NRF1: variants seen among roughly 807,000 people sequenced by gnomAD.
NRF1 encodes the protein alpha palindromic-binding protein.
In NRF1, 5 loss-of-function variants were observed where a neutral mutation model predicts 58.5. That is an observed-to-expected ratio of 0.09 (90% confidence interval 0.04 to 0.18). NRF1 has a LOEUF of 0.18. Ranked by LOEUF, NRF1 falls within the 10% of genes least tolerant of loss-of-function variation. NRF1 has a pLI of 1.00. For missense variants in NRF1, 288 were observed against 657.7 expected (o/e 0.44, Z 6.15); for synonymous variants, 224 against 246.7 (o/e 0.91, Z 0.86).
At chr7:129,657,081 G>C (rs1168458793) in intron 1 of NRF1, among the ~76,000 whole-genome samples, 1 of 151,994 alleles carries the variant, frequency 6.6e-6, no homozygotes. Context: ...TATTATTAAG[G>C]GTATCTGTTG....
chr7:129,622,117 AC>A (rs1033834095), intron 1 of NRF1, among the ~76,000 whole-genome samples: 2 of 150,848 alleles, frequency 1.3e-5, no homozygotes, highest in Non-Finnish European at 3.0e-5. Context: ...GAAGAAAAGC[AC>A]CCCCCATTAG....
intron 2 of NRF1, among the ~76,000 whole-genome samples, chr7:129,669,634 G>T (rs762448650): frequency 1.3e-5 from 2 of 152,146 alleles, no homozygotes; most frequent in Non-Finnish European, 2.9e-5. Context: ...TCTCTGTAAG[G>T]AAGACTTAGA....
intron 3 of NRF1, among the ~76,000 whole-genome samples, chr7:129,675,625 G>A (rs936011151): frequency 6.6e-6 from 1 of 152,224 alleles, no homozygotes; most frequent in African/African-American, 2.4e-5. Context: ...GCTCTTGGGT[G>A]ACTAGGTGCA....
intron 1 of NRF1, among the ~76,000 whole-genome samples, chr7:129,643,270 G>A (rs1218876149): frequency 2.0e-5 from 3 of 152,214 alleles, no homozygotes; most frequent in Non-Finnish European, 4.4e-5. Context: ...TGTTGGTTGT[G>A]TAGTGACAGA....
At chr7:129,704,362 A>G (rs963899293) in intron 5 of NRF1, among the ~76,000 whole-genome samples, 17 of 152,136 alleles carry the variant, frequency 1.1e-4, no homozygotes, top group African/African-American at 3.9e-4. Flanking sequence ...GAATGTCTTA[A>G]TGTACATTAC....
At chr7:129,618,943 T>G (rs1584576069) in intron 1 of NRF1, among the ~76,000 whole-genome samples, 1 of 152,190 alleles carries the variant, frequency 6.6e-6, no homozygotes, top group East Asian at 1.9e-4. Flanking sequence ...CCATTCTGAC[T>G]GCAACATGTC....
intron 1 of NRF1, among the ~76,000 whole-genome samples, chr7:129,644,661 A>G (rs529872556): frequency 1.3e-5 from 2 of 152,360 alleles, no homozygotes; most frequent in East Asian, 3.9e-4. Flanking sequence ...ATCATTGCAG[A>G]AAGTTCTACC....
chr7:129,687,297 C>T (rs942599337), intron 4 of NRF1, among the ~76,000 whole-genome samples: 15 of 139,898 alleles, frequency 1.1e-4, no homozygotes, highest in Admixed American at 8.3e-4. Flanking sequence ...TTTTTTGAGG[C>T]GGAGTCTCAC....
chr7:129,743,694 C>A (rs1055952021), intron 10 of NRF1, among the ~76,000 whole-genome samples: 1 of 152,154 alleles, frequency 6.6e-6, no homozygotes, highest in Non-Finnish European at 1.5e-5. Context: ...ATATAGTCAA[C>A]TCTTACTTGT....
chr7:129,717,082 G>C (rs1464684673), intron 8 of NRF1, 137 bp from the exon 9 acceptor site: 2 of 788,934 alleles, frequency 2.5e-6, no homozygotes, highest in African/African-American at 1.8e-5. Context: ...TTAAAGCTCT[G>C]TTCTGTATAT....
chr7:129,682,243 G>C (rs1172606019), intron 4 of NRF1, among the ~76,000 whole-genome samples: 4 of 152,154 alleles, frequency 2.6e-5, no homozygotes, highest in Non-Finnish European at 5.9e-5. Flanking sequence ...AGGATTGGTT[G>C]AGGCCAGGAG....
Position 129,711,458 on chromosome 7 carries a change from T to C in NRF1, c.964-17T>C. Reference sequence around the variant, plus strand: ...TCCATCCACTGACACTTAACCACTTTCCATATTTTTCTTTAGGTTGGTACG... The same window carrying C: ...TCCATCCACTGACACTTAACCACTTCCCATATTTTTCTTTAGGTTGGTACG... On this transcript the variant is annotated splice_polypyrimidine_tract_variant and intron_variant, in intron 7 of 10. Coordinates refer to ENST00000393232, the MANE Select transcript of NRF1 (RefSeq NM_005011.5). The C allele has an allele frequency of 6.3e-7, 1 of 1,596,244 alleles. No homozygotes were observed. Among genetic ancestry groups the C allele is most frequent in the Non-Finnish European group, 8.6e-7 (1 of 1,167,768 alleles).
At chr7:129,619,517 T>TATATATATA (rs1554401553) in intron 1 of NRF1, among the ~76,000 whole-genome samples, 1 of 134,804 alleles carries the variant, frequency 7.4e-6, no homozygotes, top group Non-Finnish European at 1.6e-5. Context: ...TATATATGTA[T>TATATATATA]TGTTTTGCTG....
chr7:129,665,603 G>C (rs1054942109), intron 2 of NRF1, among the ~76,000 whole-genome samples: 1 of 152,102 alleles, frequency 6.6e-6, no homozygotes, highest in Non-Finnish European at 1.5e-5. Context: ...TCAATCACCA[G>C]TATGTTGTTT....
chr7:129,640,974 G>C (rs1801276093), intron 1 of NRF1, among the ~76,000 whole-genome samples: 1 of 152,138 alleles, frequency 6.6e-6, no homozygotes, highest in East Asian at 1.9e-4. Flanking sequence ...CTTCATCAGG[G>C]TGTTATTTGT....
rs1351938068 is a variant in NRF1, at chr7:129,722,592, A to T, written c.1224-4649A>T. Reference sequence around the variant, plus strand: ...TCTGTCAACCTGTCACCCCCATTGCATTGGACCCCTCATCCCTGGCATTCC... The same window carrying T: ...TCTGTCAACCTGTCACCCCCATTGCTTTGGACCCCTCATCCCTGGCATTCC... On this transcript the variant is annotated intron_variant, in intron 9 of 10. Transcript: ENST00000393232. 2.6e-5 allele frequency among the ~76,000 whole-genome samples: 4 copies of T among 152,168 alleles called. No individual in the cohort carries two copies. The East Asian group carries it at 7.7e-4, about 29-fold the overall frequency.
chr7:129,624,386 C>A (rs991163964), intron 1 of NRF1, among the ~76,000 whole-genome samples: 3 of 152,112 alleles, frequency 2.0e-5, no homozygotes, highest in Non-Finnish European at 2.9e-5. Flanking sequence ...TGAGACATAG[C>A]AAGCAGTATT....
intron 5 of NRF1, among the ~76,000 whole-genome samples, chr7:129,699,709 T>A (rs1390114259): frequency 1.4e-5 from 2 of 145,460 alleles, no homozygotes; most frequent in South Asian, 2.2e-4. Flanking sequence ...CCAGCCTGGG[T>A]GACAGAGAGA....
intron 10 of NRF1, among the ~76,000 whole-genome samples, chr7:129,739,614 CGAG>C (rs1803800982): frequency 6.6e-6 from 1 of 151,718 alleles, no homozygotes; most frequent in South Asian, 2.1e-4. Flanking sequence ...GGGAGGGTTG[CGAG>C]GAGAACTGAT....
Sources: gnomAD v4.1 joint callset for allele counts (sites outside exome capture counted in the v4.1 genomes callset) on GRCh38, gnomAD v4.1.1 for gene constraint, MANE v1.5 for transcripts, NCBI Gene and HGNC (gene_info 2026-07-23, HGNC 2026-07-21) for gene names.